Variants in CCDC102B observed in about 807,000 individuals in gnomAD.
The protein encoded by CCDC102B is coiled-coil domain containing 102B, also known as coiled-coil domain-containing protein 102B.
CCDC102B carries 75 observed loss-of-function variants against 57.4 expected under a neutral mutation model. The observed-to-expected ratio is 1.31, with a 90% CI of 1.08 to 1.58. The LOEUF is 1.58. CCDC102B is among the 40% of genes most tolerant of loss of function. CCDC102B has a pLI of 0.00. For synonymous variants in CCDC102B, 206 were observed against 201.9 expected (o/e 1.02, Z -0.17); for missense variants, 636 against 582.6 (o/e 1.09, Z -0.94).
At chr18:68,822,547 C>G (rs923488231) in intron 1 of CCDC102B, among the ~76,000 whole-genome samples, 22 of 152,076 alleles carry the variant, frequency 1.4e-4, no homozygotes, top group African/African-American at 5.3e-4. Flanking sequence ...TTTTTAGATA[C>G]ATAAGGTACC....
chr18:68,864,949 G>C (rs1425906980), intron 4 of CCDC102B, among the ~76,000 whole-genome samples: 3 of 151,894 alleles, frequency 2.0e-5, no homozygotes, highest in Admixed American at 6.6e-5. Flanking sequence ...TTCTCTGCTT[G>C]TATTGCCACT....
chr18:68,737,428 C>T (rs2033186661), intron 2 of CCDC102B, among the ~76,000 whole-genome samples: 1 of 140,598 alleles, frequency 7.1e-6, no homozygotes, highest in South Asian at 2.5e-4. Flanking sequence ...TATAGATTCT[C>T]CTCCCCATTG....
chr18:68,761,437 TAATC>T lies in CCDC102B; in HGVS notation c.-67+44851_-67+44854del, dbSNP rs531737692. Among the ~76,000 whole-genome samples the T allele has an allele frequency of 2.3e-3, 349 of 152,124 alleles. 3 individuals are homozygous for T. The highest frequency in any genetic ancestry group is 7.9e-3 in the African/African-American group (327 of 41,558). ...AACTAGTATATTCTGTTTACGTGGG[TAATC>T]AATCAATATTTGAGATATGTTGAAA... On this transcript the variant is annotated intron_variant, in intron 2 of 3. Coordinates refer to the CCDC102B transcript ENST00000578970.
chr18:68,880,054 T>C (rs888960110), intron 5 of CCDC102B, among the ~76,000 whole-genome samples: 3 of 152,102 alleles, frequency 2.0e-5, no homozygotes, highest in African/African-American at 7.2e-5. Context: ...GGGGCGGTGC[T>C]CATCGGGGAG....
At chr18:68,807,069 C>T (rs528403381) in intron 1 of CCDC102B, among the ~76,000 whole-genome samples, 58 of 152,198 alleles carry the variant, frequency 3.8e-4, no homozygotes, top group Non-Finnish European at 6.5e-4. Context: ...TGAGTTTGAA[C>T]GACCTTATCA....
intron 1 of CCDC102B, among the ~76,000 whole-genome samples, chr18:68,829,087 A>G (rs1268363487): frequency 6.6e-6 from 1 of 151,964 alleles, no homozygotes; most frequent in Admixed American, 6.6e-5. Flanking sequence ...TGGATTCACC[A>G]GAAATTTTGC....
At chr18:68,739,633 G>A (rs186162859) in intron 2 of CCDC102B, among the ~76,000 whole-genome samples, 73 of 152,304 alleles carry the variant, frequency 4.8e-4, no homozygotes, top group African/African-American at 1.3e-3. Flanking sequence ...TGTCCATGAC[G>A]TCACTTGGTG....
At chr18:68,791,872 C>T (rs190143040) in intron 2 of CCDC102B, among the ~76,000 whole-genome samples, 94 of 152,266 alleles carry the variant, frequency 6.2e-4, no homozygotes, top group Middle Eastern at 3.4e-3. Flanking sequence ...TTTCACTACT[C>T]CATCACTGTA....
chr18:68,743,044 C>A (rs781574342), intron 2 of CCDC102B, among the ~76,000 whole-genome samples: 2 of 151,890 alleles, frequency 1.3e-5, no homozygotes, highest in African/African-American at 2.4e-5. Context: ...GGTTAGACAT[C>A]CTGACCTGAC....
At position 68,857,164 on chromosome 18, in the gene CCDC102B, T is replaced by A. The variant is rs1293400345; in HGVS notation, c.936+10743T>A. On this transcript the variant is annotated intron_variant, in intron 4 of 7. Coordinates refer to ENST00000360242, the MANE Select transcript of CCDC102B (RefSeq NM_024781.3). ...TATATATAAATATATTTATATATTT[T>A]TATATAATATATAAAAATATATTTA... Among the ~76,000 whole-genome samples the A allele has an allele frequency of 1.6e-3, 64 of 39,720 alleles. 3 individuals are homozygous for A. The highest frequency in any genetic ancestry group is 0.023 in the Middle Eastern group (1 of 44). 26.1% of individuals were successfully genotyped at this position (39,720 alleles called of 152,430 possible).
intron 5 of CCDC102B, among the ~76,000 whole-genome samples, chr18:68,886,509 T>C (rs576655817): frequency 1.3e-5 from 2 of 152,244 alleles, no homozygotes; most frequent in South Asian, 4.1e-4. Flanking sequence ...TCAATTGAAC[T>C]TCCTTAAGTA....
chr18:68,823,201 T>C (rs1180459228), intron 1 of CCDC102B, among the ~76,000 whole-genome samples: 1 of 152,182 alleles, frequency 6.6e-6, no homozygotes, highest in African/African-American at 2.4e-5. Context: ...TACATATAGG[T>C]GTTACCAAAT....
chr18:68,807,381 A>G (rs768626131), intron 1 of CCDC102B, among the ~76,000 whole-genome samples: 2 of 152,182 alleles, frequency 1.3e-5, no homozygotes, highest in Non-Finnish European at 2.9e-5. Context: ...AATGCAATGT[A>G]TAGATCTGGG....
At chr18:68,813,108 C>T (rs980359228) in intron 1 of CCDC102B, among the ~76,000 whole-genome samples, 3 of 152,038 alleles carry the variant, frequency 2.0e-5, no homozygotes, top group Non-Finnish European at 2.9e-5. Flanking sequence ...GGACTTCCCC[C>T]TTGCTGTTCT....
At chr18:68,741,697 ACACACACACACACACACC>A (rs747829738) in intron 2 of CCDC102B, among the ~76,000 whole-genome samples, 12,678 of 149,816 alleles carry the variant, frequency 0.085, 618 homozygotes, top group African/African-American at 0.11. Context: ...ACACACACAC[ACACACACACACACACACC>A]CCAAGACAAT....
chr18:68,933,354 GT>G (rs1253749322), intron 6 of CCDC102B, among the ~76,000 whole-genome samples: 2 of 151,838 alleles, frequency 1.3e-5, no homozygotes, highest in African/African-American at 4.8e-5. Flanking sequence ...AAGGAGATAA[GT>G]TCATTTTTAC....
intron 7 of CCDC102B, among the ~76,000 whole-genome samples, chr18:69,022,682 C>T (rs1005369524): frequency 2.0e-5 from 3 of 152,104 alleles, no homozygotes; most frequent in Admixed American, 2.0e-4. Context: ...CTTTTATCCT[C>T]ATCCCCCACT....
intron 5 of CCDC102B, among the ~76,000 whole-genome samples, chr18:68,876,358 C>A (rs1043361498): frequency 1.3e-5 from 2 of 152,100 alleles, no homozygotes; most frequent in African/African-American, 4.8e-5. Context: ...AAGTTGTCAA[C>A]AGTTTGGGAG....
At chr18:68,981,615 A>G (rs139970932) in intron 6 of CCDC102B, among the ~76,000 whole-genome samples, 9 of 152,158 alleles carry the variant, frequency 5.9e-5, no homozygotes, top group African/African-American at 2.2e-4. Context: ...GGGCAGTGAA[A>G]AAACACACAA....
Sources: allele counts gnomAD v4.1 joint callset (sites outside exome capture counted in the v4.1 genomes callset), GRCh38; gene constraint gnomAD v4.1.1; transcripts MANE v1.5; gene names NCBI Gene and HGNC (gene_info 2026-07-23, HGNC 2026-07-21).